The following OLFM3 variants were observed in gnomAD, a reference collection of about 807,000 sequenced individuals.
OLFM3 encodes the protein noelin-3.
OLFM3 carries 20 observed loss-of-function variants against 48.6 expected under a neutral mutation model. That is an observed-to-expected ratio of 0.41 (90% confidence interval 0.29 to 0.60). The LOEUF is 0.60. OLFM3 is among the 20% of genes least tolerant of loss of function. The pLI is 0.28. For missense variants in OLFM3, 437 were observed against 544.3 expected (o/e 0.80, Z 1.96); for synonymous variants, 222 against 198.1 (o/e 1.12, Z -1.01).
chr1:101,916,446 A>G (rs1658929005), intron 1 of OLFM3, among the ~76,000 whole-genome samples: 1 of 151,908 alleles, frequency 6.6e-6, no homozygotes, highest in Non-Finnish European at 1.5e-5. Context: ...GAAATGATCT[A>G]AGACAGTTAA....
intron 4 of OLFM3, among the ~76,000 whole-genome samples, chr1:101,824,335 G>C (rs1188482218): frequency 2.0e-5 from 3 of 152,010 alleles, no homozygotes; most frequent in Non-Finnish European, 2.9e-5. Flanking sequence ...GTCCCATGTT[G>C]ACTTCAGTTA....
At chr1:101,895,945 A>G (rs993387827) in intron 1 of OLFM3, among the ~76,000 whole-genome samples, 4 of 149,756 alleles carry the variant, frequency 2.7e-5, no homozygotes, top group African/African-American at 9.8e-5. Flanking sequence ...TGCAAGAGTT[A>G]CCAAATAATC....
Position 101,996,767 on chromosome 1 carries a change from G to A in OLFM3, c.50C>T (p.Ala17Val), listed in dbSNP as rs1430696947. Residue 17 changes from alanine (A) to valine (V), a missense_variant, in exon 1 of 6, where the codon GCC (alanine) becomes GTC (valine). Coordinates refer to ENST00000370103, the MANE Select transcript of OLFM3 (RefSeq NM_058170.4). Reference protein sequence around the residue: ...LLNLLLLSLFAGLDPSKTQIS... With the variant: ...LLNLLLLSLFVGLDPSKTQIS... ...TCATACCTTGGAAGGATCTAATCCGGCAAACAAAGACAGCAGCAGGAGGTT... is the reference window on the plus strand; with the variant it reads ...TCATACCTTGGAAGGATCTAATCCGACAAACAAAGACAGCAGCAGGAGGTT... The A allele has an allele frequency of 6.2e-6, 10 of 1,614,206 alleles. No homozygotes were observed. The highest frequency in any genetic ancestry group is 8.5e-6 in the Non-Finnish European group (10 of 1,180,030).
At chr1:101,822,474 G>C (rs1654656785) in intron 4 of OLFM3, among the ~76,000 whole-genome samples, 1 of 152,092 alleles carries the variant, frequency 6.6e-6, no homozygotes, top group Admixed American at 6.6e-5. Context: ...ATGCTAGGAA[G>C]AGTGAATTGA....
At chr1:101,958,690 T>A (rs775044555) in intron 1 of OLFM3, among the ~76,000 whole-genome samples, 5 of 152,016 alleles carry the variant, frequency 3.3e-5, no homozygotes, top group Non-Finnish European at 7.4e-5. Flanking sequence ...TGTATGAACA[T>A]GAGAGTGGAT....
chr1:101,867,650 T>C (rs1656907524), intron 1 of OLFM3, among the ~76,000 whole-genome samples: 1 of 152,208 alleles, frequency 6.6e-6, no homozygotes, highest in South Asian at 2.1e-4. Context: ...CATACCTAGA[T>C]GTGAATTCTG....
intron 1 of OLFM3, among the ~76,000 whole-genome samples, chr1:101,973,735 A>T (rs1456574778): frequency 6.6e-6 from 1 of 152,202 alleles, no homozygotes; most frequent in East Asian, 1.9e-4. Context: ...CTCCAAAGGC[A>T]CAGATGTGGG....
intron 1 of OLFM3, among the ~76,000 whole-genome samples, chr1:101,863,960 T>A (rs746827318): frequency 4.0e-4 from 61 of 152,326 alleles, no homozygotes; most frequent in Non-Finnish European, 7.8e-4. Context: ...ATAGGATGGA[T>A]CTCTGAGCAA....
At chr1:101,919,770 T>C (rs946421366) in intron 1 of OLFM3, among the ~76,000 whole-genome samples, 3 of 152,212 alleles carry the variant, frequency 2.0e-5, no homozygotes, top group Admixed American at 6.5e-5. Context: ...TCTGTATCTC[T>C]TCCTGGAGCT....
intron 1 of OLFM3, among the ~76,000 whole-genome samples, chr1:101,979,093 G>T (rs113235532): frequency 4.6e-5 from 7 of 151,894 alleles, no homozygotes; most frequent in African/African-American, 7.3e-5. Context: ...TATGTCTTGT[G>T]GGGGGGCATG....
At chr1:101,862,451 T>C (rs1301076706) in intron 1 of OLFM3, among the ~76,000 whole-genome samples, 4 of 152,244 alleles carry the variant, frequency 2.6e-5, no homozygotes, top group Non-Finnish European at 5.9e-5. Flanking sequence ...ATTGTTACTC[T>C]TACTATTATT....
chr1:101,912,775 G>A lies in OLFM3; in HGVS notation c.70-75750C>T, dbSNP rs531987096. Among the ~76,000 whole-genome samples the A allele has an allele frequency of 7.9e-5, 12 of 152,222 alleles. No homozygotes were observed. The Middle Eastern group carries it at 0.01, about 129-fold the overall frequency. On this transcript the variant is annotated intron_variant, in intron 1 of 5. Coordinates refer to ENST00000370103, the MANE Select transcript of OLFM3 (RefSeq NM_058170.4). Reference sequence around the variant, plus strand: ...ATTTCCTCCATTAGATATTTGTTAGGTCTTCAAGATCTGTTCAAATGAAAA... The same window carrying A: ...ATTTCCTCCATTAGATATTTGTTAGATCTTCAAGATCTGTTCAAATGAAAA...
At chr1:101,988,552 G>A (rs1661313352) in intron 1 of OLFM3, among the ~76,000 whole-genome samples, 1 of 151,954 alleles carries the variant, frequency 6.6e-6, no homozygotes, top group Non-Finnish European at 1.5e-5. Context: ...CTTGTCTGAT[G>A]GAAAAATGGA....
At chr1:101,812,006 T>TA (rs1187649688) in intron 4 of OLFM3, among the ~76,000 whole-genome samples, 1 of 152,074 alleles carries the variant, frequency 6.6e-6, no homozygotes, top group Non-Finnish European at 1.5e-5. Context: ...TATGCAGCCA[T>TA]AAAAAAGGAT....
chr1:101,844,917 T>G (rs1021003898), intron 1 of OLFM3, among the ~76,000 whole-genome samples: 4 of 152,176 alleles, frequency 2.6e-5, no homozygotes, highest in African/African-American at 9.7e-5. Flanking sequence ...ATGTTCCTAG[T>G]CTAAGAGATA....
chr1:101,965,553 G>T (rs899746838), intron 1 of OLFM3, among the ~76,000 whole-genome samples: 3 of 152,170 alleles, frequency 2.0e-5, no homozygotes, highest in Non-Finnish European at 2.9e-5. Context: ...AAGCCCAGAT[G>T]TCCTATGTCT....
In OLFM3 at chr1:101,996,861, T is replaced by C; in HGVS notation, c.-45A>G. 2 of 1,595,730 alleles carry C rather than the reference T, an allele frequency of 1.3e-6. No homozygotes were observed. Among genetic ancestry groups the C allele is most frequent in the Non-Finnish European group, 8.6e-7 (1 of 1,164,396 alleles). On this transcript the variant is annotated 5_prime_UTR_variant, in exon 1 of 6. Coordinates refer to ENST00000370103, the MANE Select transcript of OLFM3 (RefSeq NM_058170.4). ...CCTCTTTACTCTCTTTTATGTAGGCTCTCCACTCACTGCAGAGACCTTTCC... is the reference window on the plus strand; with the variant it reads ...CCTCTTTACTCTCTTTTATGTAGGCCCTCCACTCACTGCAGAGACCTTTCC...
chr1:101,815,760 C>A (rs538127839), intron 4 of OLFM3, among the ~76,000 whole-genome samples: 2 of 152,256 alleles, frequency 1.3e-5, no homozygotes, highest in South Asian at 2.1e-4. Context: ...CTAAGTTGTT[C>A]ATGACTATTA....
chr1:101,955,569 T>C (rs1410530904), intron 1 of OLFM3, among the ~76,000 whole-genome samples: 1 of 151,930 alleles, frequency 6.6e-6, no homozygotes, highest in Non-Finnish European at 1.5e-5. Flanking sequence ...CGCCCCATGA[T>C]TTCTAAGACA....
Sources: gnomAD v4.1 joint callset for allele counts (sites outside exome capture counted in the v4.1 genomes callset) on GRCh38, gnomAD v4.1.1 for gene constraint, MANE v1.5 for transcripts, NCBI Gene and HGNC (gene_info 2026-07-23, HGNC 2026-07-21) for gene names.